The following SIN3B variants were observed in gnomAD, a reference collection of about 807,000 sequenced individuals.
The protein encoded by SIN3B is paired amphipathic helix protein Sin3b.
SIN3B carries 19 observed loss-of-function variants against 120.2 expected under a neutral mutation model. The observed-to-expected ratio is 0.16, with a 90% CI of 0.11 to 0.23. SIN3B has a LOEUF of 0.23. Ranked by LOEUF, SIN3B falls within the 10% of genes least tolerant of loss-of-function variation. The pLI, the probability that SIN3B is intolerant of heterozygous loss-of-function variation, is 1.00. For synonymous variants in SIN3B, 654 were observed against 653.2 expected (o/e 1.00, Z -0.02); for missense variants, 1,073 against 1,573.0 (o/e 0.68, Z 5.38).
chr19:16,842,468 G>A (rs965240541), intron 4 of SIN3B, among the ~76,000 whole-genome samples: 4 of 145,932 alleles, frequency 2.7e-5, no homozygotes, highest in African/African-American at 1.0e-4. Flanking sequence ...GTGCAGTGGT[G>A]TAATAATAGC....
Position 16,876,267 on chromosome 19 carries a change from C to A in SIN3B, c.2766+39C>A. 6.3e-7 allele frequency: 1 copy of A among 1,585,138 alleles called. No individual in the cohort carries two copies. The highest frequency in any genetic ancestry group is 8.6e-7 in the Non-Finnish European group (1 of 1,163,210). On this transcript the variant is annotated intron_variant, in intron 15 of 18. Coordinates refer to ENST00000248054, the MANE Select transcript of SIN3B (RefSeq NM_001297595.2). The surrounding 1 kb of genome is among the most constrained non-coding windows in gnomAD (Gnocchi z 7.1). ...TGGGGCTGGGAACACGCCGGGAGGCCCGGCCGCTCACTCCGCTCTGGACTC... is the reference window on the plus strand; with the variant it reads ...TGGGGCTGGGAACACGCCGGGAGGCACGGCCGCTCACTCCGCTCTGGACTC...
intron 4 of SIN3B, among the ~76,000 whole-genome samples, chr19:16,844,627 A>G (rs1971457750): frequency 1.3e-5 from 2 of 152,230 alleles, no homozygotes; most frequent in Non-Finnish European, 2.9e-5. Context: ...TGTGATGGGA[A>G]CTGCAGGTTC....
intron 8 of SIN3B, among the ~76,000 whole-genome samples, chr19:16,860,536 G>A (rs1051483968): frequency 2.6e-5 from 4 of 152,064 alleles, no homozygotes; most frequent in African/African-American, 9.7e-5. Flanking sequence ...GTTATGCGAG[G>A]GTGGGCTGGG....
intron 14 of SIN3B, among the ~76,000 whole-genome samples, chr19:16,873,953 C>T (rs534193183): frequency 4.6e-5 from 7 of 152,352 alleles, no homozygotes; most frequent in African/African-American, 1.7e-4. Context: ...CTGTCTGAAA[C>T]CTATGCGTGT....
rs1971423018 is a variant in SIN3B at position 16,841,920 on chromosome 19, C to T, written c.534C>T (p.Asp178=). The change falls in exon 4 of 19, where the codon GAC becomes GAT. Residue 178 remains aspartate, a synonymous_variant. Transcript: ENST00000248054. ...YVNKIKTRFL[D]HPEIYRSFLE... Reference sequence around the variant, plus strand: ...ATAAGATTAAAACCCGCTTCCTAGACCACCCAGAAATCTACAGGTCATTCC... The same window carrying T: ...ATAAGATTAAAACCCGCTTCCTAGATCACCCAGAAATCTACAGGTCATTCC... The T allele has an allele frequency of 6.2e-7, 1 of 1,614,100 alleles. No homozygotes were observed. The highest frequency in any genetic ancestry group is 8.5e-7 in the Non-Finnish European group (1 of 1,180,028).
At position 16,829,882 on chromosome 19, in the gene SIN3B, A is replaced by C; in HGVS notation, c.212A>C (p.Glu71Ala). The change falls in exon 2 of 19, where the codon GAG becomes GCG. Residue 71 changes from glutamate to alanine, a missense_variant. Around this residue, in one of 7 missense-constraint regions of SIN3B, gnomAD observed 395 missense variants for 528.0 expected, o/e 0.75. Transcript: ENST00000248054. ...AACGGCTTCCTGGAGATCATGAAGGAGTTCAAAAGCCAGAGGTACCAGCGG... is the reference window on the plus strand; with the variant it reads ...AACGGCTTCCTGGAGATCATGAAGGCGTTCAAAAGCCAGAGGTACCAGCGG... The part of the protein sequence containing the change: ...TYNGFLEIMK[E>A]FKSQSIDTPG... 1 of 1,613,008 alleles carries C rather than the reference A, an allele frequency of 6.2e-7. No individual in the cohort carries two copies. The highest frequency in any genetic ancestry group is 1.7e-4 in the Middle Eastern group (1 of 6,060).
intron 5 of SIN3B, among the ~76,000 whole-genome samples, chr19:16,847,768 A>G (rs1216035742): frequency 6.6e-6 from 1 of 152,218 alleles, no homozygotes; most frequent in Non-Finnish European, 1.5e-5. Flanking sequence ...AATTTATGTA[A>G]CATCGAATTC....
At chr19:16,860,997 G>A (rs753926232) in intron 8 of SIN3B, among the ~76,000 whole-genome samples, 7 of 152,072 alleles carry the variant, frequency 4.6e-5, no homozygotes, top group South Asian at 2.1e-4. Context: ...TGATCTTCCC[G>A]CCTTGGCCTC....
intron 12 of SIN3B, among the ~76,000 whole-genome samples, chr19:16,868,136 G>A (rs950994378): frequency 2.6e-5 from 4 of 152,180 alleles, no homozygotes; most frequent in African/African-American, 9.7e-5. Context: ...GCTTCAGAGG[G>A]GACTGTAAAG....
At chr19:16,857,100 T>C (rs1019007592) in intron 8 of SIN3B, among the ~76,000 whole-genome samples, 2 of 152,238 alleles carry the variant, frequency 1.3e-5, no homozygotes, top group Non-Finnish European at 2.9e-5. Context: ...TCATTTTATG[T>C]ATAGCATCCT....
intron 5 of SIN3B, among the ~76,000 whole-genome samples, chr19:16,848,034 C>G (rs191311053): frequency 2.0e-5 from 3 of 152,312 alleles, no homozygotes; most frequent in Admixed American, 2.0e-4. Context: ...GCTCCTCTCA[C>G]TCAGCATCAT....
Position 16,863,705 on chromosome 19 carries a change from T to A in SIN3B, c.1292T>A (p.Phe431Tyr). The A allele has an allele frequency of 1.9e-6, 3 of 1,614,094 alleles. No individual in the cohort carries two copies. Among genetic ancestry groups the A allele is most frequent in the Non-Finnish European group, 2.5e-6 (3 of 1,179,920 alleles). ...KEVLNDTWVS[F>Y]PSWSEDSTFV... Reference sequence around the variant, plus strand: ...GTACTGAACGACACCTGGGTCTCCTTCCCTTCCTGGTCTGAGGACTCCACG... The same window carrying A: ...GTACTGAACGACACCTGGGTCTCCTACCCTTCCTGGTCTGAGGACTCCACG... The change falls in exon 10 of 19, where the codon TTC becomes TAC. Residue 431 changes from phenylalanine (F) to tyrosine (Y), a missense_variant. This residue lies in a region of SIN3B where 118 missense variants were observed against 281.6 expected (regional missense o/e 0.42). Coordinates refer to ENST00000248054, the MANE Select transcript of SIN3B (RefSeq NM_001297595.2).
At chr19:16,873,714 G>A (rs1271287938) in intron 14 of SIN3B, among the ~76,000 whole-genome samples, 1 of 152,200 alleles carries the variant, frequency 6.6e-6, no homozygotes, top group African/African-American at 2.4e-5. Flanking sequence ...GGGCTGTCTG[G>A]CTGGAGCTGT....
chr19:16,871,451 C>A, intron 14 of SIN3B, 53 bp downstream of exon 14: 1 of 1,518,106 alleles, frequency 6.6e-7, no homozygotes, highest in South Asian at 1.3e-5. Flanking sequence ...ATGGCTCTAC[C>A]ATCATTTCAC....
chr19:16,840,237 A>G (rs1222630858), intron 3 of SIN3B, among the ~76,000 whole-genome samples: 1 of 152,008 alleles, frequency 6.6e-6, no homozygotes, highest in Non-Finnish European at 1.5e-5. Flanking sequence ...GAGCCTTTGA[A>G]GAGGTGATTT....
In SIN3B at chr19:16,869,951, C is replaced by T. The variant is rs2051486439; in HGVS notation, c.2298C>T (p.Ile766=). Residue 766 remains isoleucine (I), a synonymous_variant, in exon 13 of 19, where the codon ATC becomes ATT. Transcript: ENST00000248054. ...HQTLCSRLLK[I]YRQAQKQLLE... ...CCCTGTGCTCCAGGCTGCTGAAGAT[C>T]TACCGCCAGGCGCAGAAGCAGCTTC... The T allele has an allele frequency of 6.2e-7, 1 of 1,614,236 alleles. No individual in the cohort carries two copies. Among genetic ancestry groups the T allele is most frequent in the South Asian group, 1.1e-5 (1 of 91,088 alleles).
chr19:16,873,682 TAAAAAC>T (rs1480709984), intron 14 of SIN3B, among the ~76,000 whole-genome samples: 2 of 152,188 alleles, frequency 1.3e-5, no homozygotes, highest in Non-Finnish European at 2.9e-5. Context: ...TAGAACCTGT[TAAAAAC>T]AAAGCAATGA....
intron 6 of SIN3B, 47 bp from the exon 7 acceptor site, chr19:16,853,022 C>A: frequency 6.6e-7 from 1 of 1,508,738 alleles, no homozygotes; most frequent in Non-Finnish European, 9.2e-7. Flanking sequence ...GGACAGAGGC[C>A]ACCGGTGGGA....
At chr19:16,875,426 TTGGTC>T (rs1947941474) in intron 14 of SIN3B, among the ~76,000 whole-genome samples, 1 of 142,642 alleles carries the variant, frequency 7.0e-6, no homozygotes, top group Non-Finnish European at 1.5e-5. Context: ...TCTGGTCTGT[TTGGTC>T]TGGTCTGGTT....
Sources: gnomAD v4.1 joint callset for allele counts (sites outside exome capture counted in the v4.1 genomes callset) on GRCh38, gnomAD v4.1.1 for gene constraint, gnomAD v4.1.1 regional missense constraint, Gnocchi (gnomAD v3.1) non-coding constraint, MANE v1.5 for transcripts, NCBI Gene and HGNC (gene_info 2026-07-23, HGNC 2026-07-21) for gene names.